The following GPR89B variants were observed in gnomAD, a reference collection of about 807,000 sequenced individuals.
The protein encoded by GPR89B is golgi pH regulator B.
In GPR89B, 25 loss-of-function variants were observed where a neutral mutation model predicts 52.4. The observed-to-expected ratio is 0.48, with a 90% CI of 0.35 to 0.67. The LOEUF (loss-of-function observed/expected upper bound fraction) is 0.67. Among genes scored for constraint, GPR89B ranks in the 30% least tolerant of loss-of-function variants. The probability of loss-of-function intolerance (pLI) is 0.01; values close to 1 mark genes in which losing one functional copy is unlikely to be tolerated. For synonymous variants in GPR89B, 52 were observed against 151.2 expected, an observed-to-expected ratio of 0.34 and a Z score of 4.81; for missense variants, 146 against 450.2, an observed-to-expected ratio of 0.32 and a Z score of 6.11.
chr1:147,991,775 C>T (rs1350889265), intron 12 of GPR89B, among the ~76,000 whole-genome samples: 1 of 152,170 alleles, frequency 6.6e-6, no homozygotes, highest in Non-Finnish European at 1.5e-5. Flanking sequence ...GTTGAACCAG[C>T]CTTGCATCCC....
intron 7 of GPR89B, among the ~76,000 whole-genome samples, chr1:147,963,269 G>T (rs1469288211): frequency 6.6e-6 from 1 of 151,388 alleles, no homozygotes; most frequent in Non-Finnish European, 1.5e-5. Context: ...CCAACTACTC[G>T]GGAGGCTGAG....
At chr1:147,997,101 G>T (rs1304637977), downstream of GPR89B, among the ~76,000 whole-genome samples, 3 of 152,302 alleles carry the variant, frequency 2.0e-5, no homozygotes, top group East Asian at 5.8e-4. Flanking sequence ...TCCCTGTTGG[G>T]AAATGACATA....
In GPR89B at chr1:147,937,720, C is replaced by T. The variant is rs140971926; in HGVS notation, c.103-994C>T. On this transcript the variant is annotated intron_variant, in intron 2 of 13. Coordinates refer to ENST00000314163, the MANE Select transcript of GPR89B (RefSeq NM_016334.5). ...CAGTCGGACCTTATGGTTATCTTTCCGTGTTCCCTGAAAATTGCTGTTATT... is the reference window on the plus strand; with the variant it reads ...CAGTCGGACCTTATGGTTATCTTTCTGTGTTCCCTGAAAATTGCTGTTATT... 8.0e-3 allele frequency among the ~76,000 whole-genome samples: 1,212 copies of T among 152,284 alleles called. 24 individuals carry two copies. The highest frequency in any genetic ancestry group is 0.047 in the East Asian group (242 of 5,176).
chr1:148,021,499 G>A, the GPR89B span, among the ~76,000 whole-genome samples: 1 of 151,552 alleles, frequency 6.6e-6, no homozygotes, highest in East Asian at 2.0e-4. Context: ...GAGACTCCCC[G>A]AAAGGAGAGA....
chr1:148,015,904 G>A, the GPR89B span, among the ~76,000 whole-genome samples: 1 of 151,772 alleles, frequency 6.6e-6, no homozygotes, highest in Admixed American at 6.5e-5. Context: ...TCTTTCTTTT[G>A]TTACTTTAGT....
chr1:147,934,208 GCT>G (rs1653891356), intron 1 of GPR89B, among the ~76,000 whole-genome samples: 1 of 150,926 alleles, frequency 6.6e-6, no homozygotes, highest in African/African-American at 2.4e-5. Flanking sequence ...ACAGGGTTTC[GCT>G]CTGTCACCCA....
At chr1:147,949,213 C>T (rs1553250335) in intron 5 of GPR89B, among the ~76,000 whole-genome samples, 1 of 152,092 alleles carries the variant, frequency 6.6e-6, no homozygotes, top group Non-Finnish European at 1.5e-5. Context: ...CCCCGCCTTT[C>T]CCCCCTTTCC....
downstream of GPR89B, among the ~76,000 whole-genome samples, chr1:147,997,473 GC>G (rs1200537668): frequency 1.3e-5 from 2 of 151,916 alleles, no homozygotes; most frequent in Non-Finnish European, 2.9e-5. Flanking sequence ...TACAGCCGCA[GC>G]CCCCCAGATT....
At chr1:147,949,830 G>C (rs1400462267) in intron 5 of GPR89B, among the ~76,000 whole-genome samples, 1 of 144,898 alleles carries the variant, frequency 6.9e-6, no homozygotes, top group Non-Finnish European at 1.5e-5. Flanking sequence ...GGACGGGGCA[G>C]CTTGCCGGGC....
At chr1:147,936,927 TA>T (rs1654139709) in intron 2 of GPR89B, among the ~76,000 whole-genome samples, 1 of 152,104 alleles carries the variant, frequency 6.6e-6, no homozygotes, top group Non-Finnish European at 1.5e-5. Flanking sequence ...CATATCAGGA[TA>T]TGTACCAATA....
intron 7 of GPR89B, among the ~76,000 whole-genome samples, chr1:147,965,878 ACT>A (rs1656994870): frequency 2.0e-5 from 3 of 151,244 alleles, no homozygotes; most frequent in East Asian, 3.9e-4. Context: ...ATGGAGTCTC[ACT>A]CTGTCACCTG....
the GPR89B span, among the ~76,000 whole-genome samples, chr1:148,019,895 A>G: frequency 1.3e-5 from 2 of 151,780 alleles, no homozygotes; most frequent in Admixed American, 1.3e-4. Flanking sequence ...TCTGTAAGGC[A>G]TAAGAAGTTA....
the GPR89B span, among the ~76,000 whole-genome samples, chr1:147,999,761 T>C: frequency 2.2e-4 from 34 of 151,780 alleles, no homozygotes; most frequent in African/African-American, 8.2e-4. Flanking sequence ...GTGAAGTTCT[T>C]GAAACCGGAC....
the GPR89B span, among the ~76,000 whole-genome samples, chr1:148,006,084 G>C: frequency 1.6e-4 from 24 of 152,320 alleles, no homozygotes; most frequent in African/African-American, 5.5e-4. Flanking sequence ...TAAAATCACA[G>C]TTATAGCTCC....
chr1:147,940,368 A>C (rs1223978758), intron 3 of GPR89B, among the ~76,000 whole-genome samples: 2 of 151,716 alleles, frequency 1.3e-5, no homozygotes, highest in Non-Finnish European at 2.9e-5. Flanking sequence ...GTGCCACTGC[A>C]CTCCAGCCTG....
chr1:148,019,621 T>C, the GPR89B span, among the ~76,000 whole-genome samples: 1 of 151,436 alleles, frequency 6.6e-6, no homozygotes, highest in South Asian at 2.1e-4. Context: ...GGAAAGAAAA[T>C]AAACAACAAC....
chr1:148,013,278 C>T, the GPR89B span, among the ~76,000 whole-genome samples: 3 of 152,086 alleles, frequency 2.0e-5, no homozygotes, highest in East Asian at 3.9e-4. Context: ...CTGGATAGCA[C>T]GGCGGAGATA....
intron 5 of GPR89B, among the ~76,000 whole-genome samples, chr1:147,948,337 A>T (rs1466368033): frequency 6.6e-6 from 1 of 151,586 alleles, no homozygotes; most frequent in African/African-American, 2.4e-5. Flanking sequence ...TATAGTGTAT[A>T]GATTTTATTG....
At chr1:147,934,539 A>G (rs1653921850) in intron 1 of GPR89B, among the ~76,000 whole-genome samples, 1 of 152,162 alleles carries the variant, frequency 6.6e-6, no homozygotes, top group Non-Finnish European at 1.5e-5. Context: ...TGACTGTGTG[A>G]TGAATACCTT....
Sources: allele counts gnomAD v4.1 joint callset (sites outside exome capture counted in the v4.1 genomes callset), GRCh38; gene constraint gnomAD v4.1.1; transcripts MANE v1.5; gene names NCBI Gene and HGNC (gene_info 2026-07-23, HGNC 2026-07-21).